Variants in AATK observed in about 807,000 individuals in gnomAD.
AATK encodes lemur tail kinase 1.
A neutral mutation model predicts 114.3 loss-of-function variants in AATK; 91 were observed. That is an observed-to-expected ratio of 0.80 (90% confidence interval 0.67 to 0.95). AATK has a LOEUF of 0.95. Among genes scored for constraint, AATK ranks in the 40% least tolerant of loss-of-function variants. AATK has a pLI of 0.00. For synonymous variants in AATK, 1,075 were observed against 916.5 expected, an observed-to-expected ratio of 1.17 and a Z score of -3.12; for missense variants, 2,176 against 1,965.2, an observed-to-expected ratio of 1.11 and a Z score of -2.03.
At chr17:81,139,615 G>C (rs930274181) in intron 1 of AATK, among the ~76,000 whole-genome samples, 2 of 74,684 alleles carry the variant, frequency 2.7e-5, no homozygotes, top group Non-Finnish European at 6.1e-5. Context: ...GCCATACCGC[G>C]GTCCCTGGTC....
chr17:81,126,771 C>T lies in AATK; in HGVS notation c.622-211G>A, dbSNP rs1363027097. On this transcript the variant is annotated intron_variant, in intron 6 of 13. Coordinates refer to ENST00000326724, the MANE Select transcript of AATK (RefSeq NM_001080395.3). This position sits in a 1 kb window ranked among gnomAD's most constrained non-coding sequence, Gnocchi z 5.1. ...AGGGCTGGGCTGGACTGAAGGCTTC[C>T]TCTCCACTGCCCCTCAGCCAGCCCC... 28 of 1,393,364 alleles carry T rather than the reference C, an allele frequency of 2.0e-5. No homozygotes were observed. In the East Asian group the frequency reaches 5.2e-4, roughly 26 times the overall value. The allele number at this position is 1,393,364 out of a possible 1,614,324, so 86.3% of individuals were successfully genotyped here. A position where few individuals can be genotyped will look rare whatever the true frequency, so the allele number is the denominator to read the frequency against.
In AATK at chr17:81,121,491, A is replaced by G. The variant is rs56032966; in HGVS notation, c.2445T>C (p.Ser815=). The change falls in exon 11 of 14, where the codon AGT becomes AGC. Residue 815 remains serine (S), a synonymous_variant. Coordinates refer to ENST00000326724, the MANE Select transcript of AATK (RefSeq NM_001080395.3). The part of the protein sequence containing the change: ...EGAPLPSEEA[S]APDAPDALPD... ...GCAGGGCATCAGGGGCGTCGGGGGC[A>G]CTGGCCTCCTCCGAGGGAAGTGGGG... 1.3e-6 allele frequency: 2 copies of G among 1,564,490 alleles called. No individual in the cohort carries two copies. Among genetic ancestry groups the G allele is most frequent in the East Asian group, 4.6e-5 (2 of 43,948 alleles).
In AATK at chr17:81,121,572, G is replaced by A. The variant is rs1222852845; in HGVS notation, c.2364C>T (p.Gly788=). The change falls in exon 11 of 14, where the codon GGC becomes GGT. Residue 788 remains glycine, a synonymous_variant. Coordinates refer to ENST00000326724, the MANE Select transcript of AATK (RefSeq NM_001080395.3). ...AEPKLATEAE[G]TTGPRLPLPS... The stretch of plus-strand genomic sequence containing the variant: ...GAAGGGGCAGGCGGGGTCCGGTAGT[G>A]CCCTCAGCCTCCGTGGCAAGCTTGG... The A allele has an allele frequency of 4.6e-6, 7 of 1,512,826 alleles. No individual in the cohort carries two copies. Among genetic ancestry groups the A allele is most frequent in the Non-Finnish European group, 5.3e-6 (6 of 1,130,864 alleles). 93.7% of individuals were successfully genotyped at this position (1,512,826 alleles called of 1,614,324 possible).
chr17:81,160,487 G>T (rs905608141), intron 1 of AATK, among the ~76,000 whole-genome samples: 9 of 152,226 alleles, frequency 5.9e-5, no homozygotes, highest in Non-Finnish European at 1.3e-4. Context: ...TCTGCGGGGG[G>T]GCGGGGAGGC....
intron 1 of AATK, among the ~76,000 whole-genome samples, chr17:81,154,791 G>A (rs1374772389): frequency 5.0e-5 from 6 of 119,218 alleles, no homozygotes; most frequent in African/African-American, 2.1e-4. Flanking sequence ...CATCACACCC[G>A]GCTAATTTTT....
At chr17:81,132,105 G>C (rs1181018082) in intron 2 of AATK, 3 of 1,087,210 alleles carry the variant, frequency 2.8e-6, no homozygotes, top group Non-Finnish European at 2.4e-6. Context: ...CCTGCGCTGA[G>C]AGCCAAAGTC....
Position 81,124,918 on chromosome 17 carries a change from C to A in AATK, c.840+12G>T. ...CCCTCATGCCCAGCCCAGCCCACCCCACCCCACTCACTCTGTACTTGCAGT... is the reference window on the plus strand; with the variant it reads ...CCCTCATGCCCAGCCCAGCCCACCCAACCCCACTCACTCTGTACTTGCAGT... On this transcript the variant is annotated intron_variant, in intron 8 of 13. Coordinates refer to ENST00000326724, the MANE Select transcript of AATK (RefSeq NM_001080395.3). 6.4e-7 allele frequency: 1 copy of A among 1,562,766 alleles called. No individual in the cohort carries two copies. Among genetic ancestry groups the A allele is most frequent in the East Asian group, 2.4e-5 (1 of 42,456 alleles).
In AATK at chr17:81,119,551, G is replaced by T; in HGVS notation, c.3913C>A (p.Pro1305Thr). The T allele has an allele frequency of 6.3e-7, 1 of 1,581,014 alleles. No homozygotes were observed. The highest frequency in any genetic ancestry group is 1.1e-5 in the South Asian group (1 of 87,540). ...AAGGCTGCCTTGGCCGTCATCAGCG[G>T]GAAGTCGTCGTCCCACGCGAACCCA... ...GGGFAWDDDFPLMTAKAAFAM... is the reference protein window; with the variant it reads ...GGGFAWDDDFTLMTAKAAFAM... The change falls in exon 13 of 14, where the codon CCG becomes ACG. Residue 1305 changes from proline to threonine, a missense_variant. Pro to Thr is a conservative substitution (Grantham distance 38). This residue lies in a region of AATK where 1,701 missense variants were observed against 1,394.7 expected (regional missense o/e 1.22). Transcript: ENST00000326724.
chr17:81,133,460 G>A (rs1186189901), intron 2 of AATK: 1 of 293,114 alleles, frequency 3.4e-6, no homozygotes, highest in South Asian at 2.5e-5. Context: ...GGTGCTGTGC[G>A]CGCTGCAGAA....
At position 81,140,915 on chromosome 17, in the gene AATK, G is replaced by GGACCGTGAGCTGTGA. The variant is rs2061124814; in HGVS notation, c.56-6415_56-6414insTCACAGCTCACGGTC. Among the ~76,000 whole-genome samples the GGACCGTGAGCTGTGA allele has an allele frequency of 9.4e-5, 10 of 106,708 alleles. 1 individual carries two copies. The South Asian group carries it at 2.5e-3, about 27-fold the overall frequency. The allele number at this position is 106,708 out of a possible 152,430, so 70.0% of individuals were successfully genotyped here. ...TGAGCTGTGAGCCGTGGGGCCGTGG[G>GGACCGTGAGCTGTGA]GCCGTGGGACCGTGGGACCATGGGG... is the stretch of plus-strand genomic sequence containing the variant. On this transcript the variant is annotated intron_variant, in intron 1 of 13. Transcript: ENST00000326724.
chr17:81,122,003 T>G lies in AATK; in HGVS notation c.1933A>C (p.Thr645Pro). 6.2e-7 allele frequency: 1 copy of G among 1,601,812 alleles called. No individual in the cohort carries two copies. The highest frequency in any genetic ancestry group is 1.7e-4 in the Middle Eastern group (1 of 6,048). ...GCCCCTGAGCTCCCCAAAGGGGACGTGCCCAGTGGGTCCTCGAAGAAGGCA... is the reference window on the plus strand; with the variant it reads ...GCCCCTGAGCTCCCCAAAGGGGACGGGCCCAGTGGGTCCTCGAAGAAGGCA... ...CPAFFEDPLG[T>P]SPLGSSGAPP... is the part of the protein sequence containing the mutation. Residue 645 changes from threonine (T) to proline (P), a missense_variant, in exon 11 of 14, where the codon ACG becomes CCG. This residue lies in a region of AATK where 1,701 missense variants were observed against 1,394.7 expected (regional missense o/e 1.22). Transcript: ENST00000326724.
At chr17:81,148,864 C>T (rs977451187) in intron 1 of AATK, among the ~76,000 whole-genome samples, 7 of 152,182 alleles carry the variant, frequency 4.6e-5, no homozygotes, top group African/African-American at 1.2e-4. Flanking sequence ...TCTGAGCCAG[C>T]GGGGCCTACC....
intron 7 of AATK, chr17:81,125,370 A>T (rs1343462606): frequency 1.6e-6 from 1 of 615,396 alleles, no homozygotes; most frequent in South Asian, 1.4e-5. Context: ...TAGCTCTACT[A>T]CACTATCACT....
intron 1 of AATK, among the ~76,000 whole-genome samples, chr17:81,142,408 G>T (rs889179143): frequency 6.6e-6 from 1 of 151,750 alleles, no homozygotes; most frequent in Non-Finnish European, 1.5e-5. Flanking sequence ...AAGTAGCTGA[G>T]ACCACAGCCT....
intron 1 of AATK, among the ~76,000 whole-genome samples, chr17:81,163,926 A>G (rs2061454794): frequency 1.3e-5 from 2 of 152,230 alleles, no homozygotes; most frequent in Admixed American, 1.3e-4. Context: ...GTGACACACA[A>G]GCCAACTGCC....
intron 12 of AATK, 105 bp downstream of exon 12, chr17:81,119,831 C>A: frequency 7.3e-7 from 1 of 1,368,822 alleles, no homozygotes; most frequent in Admixed American, 3.4e-5. Flanking sequence ...CGTCAAGGAC[C>A]AGGTGCTCCT....
intron 5 of AATK, 50 bp downstream of exon 5, chr17:81,127,742 G>A: frequency 1.3e-6 from 2 of 1,508,380 alleles, no homozygotes; most frequent in Middle Eastern, 2.1e-4. Context: ...GCAGGGGAGG[G>A]AGAGGAGGGG....
At chr17:81,154,402 C>T (rs1479980308) in intron 1 of AATK, among the ~76,000 whole-genome samples, 2 of 143,666 alleles carry the variant, frequency 1.4e-5, no homozygotes, top group African/African-American at 5.2e-5. Context: ...CTCACTGCAA[C>T]CTCCGCCTCC....
At chr17:81,142,417 C>T (rs937076904) in intron 1 of AATK, among the ~76,000 whole-genome samples, 13 of 152,070 alleles carry the variant, frequency 8.5e-5, no homozygotes, top group Admixed American at 3.9e-4. Flanking sequence ...AGACCACAGC[C>T]TTGCACCACC....
Sources: allele counts gnomAD v4.1 joint callset (sites outside exome capture counted in the v4.1 genomes callset), GRCh38; gene constraint gnomAD v4.1.1; regional missense constraint gnomAD v4.1.1; non-coding constraint Gnocchi (gnomAD v3.1); transcripts MANE v1.5; gene names NCBI Gene and HGNC (gene_info 2026-07-23, HGNC 2026-07-21).